The following TIPARP variants were observed in gnomAD, a reference collection of about 807,000 sequenced individuals.
TIPARP encodes protein mono-ADP-ribosyltransferase TIPARP.
A neutral mutation model predicts 56.5 loss-of-function variants in TIPARP; 12 were observed. The observed-to-expected ratio is 0.21, with a 90% CI of 0.14 to 0.34. The LOEUF is 0.34. Ranked by LOEUF, TIPARP falls within the 10% of genes least tolerant of loss-of-function variation. The pLI is 1.00. For missense variants in TIPARP, 604 were observed against 781.6 expected (o/e 0.77, Z 2.71); for synonymous variants, 296 against 265.7 (o/e 1.11, Z -1.11).
In TIPARP at chr3:156,677,374, C is replaced by T. The variant is rs978798117; in HGVS notation, c.-41-283C>T. On this transcript the variant is annotated intron_variant, in intron 1 of 5. Transcript: ENST00000295924. ...TAACCTTATAGTAGAAATTCTTAAC[C>T]TAGCAGAATTGCAAACTCTTATGTA... is the stretch of plus-strand genomic sequence containing the variant. Among the ~76,000 whole-genome samples, 6 of 152,164 alleles carry T rather than the reference C, an allele frequency of 3.9e-5. No individual in the cohort carries two copies. In the South Asian group the frequency reaches 6.2e-4, roughly 16 times the overall value.
chr3:156,681,080 C>A (rs1044119426), intron 2 of TIPARP: 1 of 452,030 alleles, frequency 2.2e-6, no homozygotes, highest in Non-Finnish European at 4.5e-6. Context: ...GTCATTGCAA[C>A]CTGGTTTTCC....
Position 156,695,877 on chromosome 3 carries a change from T to C in TIPARP, c.1099T>C (p.Leu367=), listed in dbSNP as rs771628972. 3 of 1,569,882 alleles carry C rather than the reference T, an allele frequency of 1.9e-6. No individual in the cohort carries two copies. In the South Asian group the frequency reaches 3.5e-5, roughly 18 times the overall value. The change falls in exon 4 of 6, where the codon TTG becomes CTG. Residue 367 remains leucine, a synonymous_variant. Transcript: ENST00000295924. ...TTCTCCTCCATAGTCTGTCATTCGA[T>C]TGATTGAAGAAGCCAACTCTCGGGG... The part of the protein sequence containing the change: ...WREYPESVIR[L]IEEANSRGLK...
At chr3:156,675,389 G>T (rs2108483275) in intron 1 of TIPARP, 1 of 152,442 alleles carries the variant, frequency 6.6e-6, no homozygotes, top group South Asian at 2.1e-4. Context: ...CGCTCCTCGG[G>T]AGGTGAGCTG....
At chr3:156,691,769 T>G (rs978507889) in intron 2 of TIPARP, among the ~76,000 whole-genome samples, 4 of 152,170 alleles carry the variant, frequency 2.6e-5, no homozygotes, top group Non-Finnish European at 4.4e-5. Flanking sequence ...AATTTATGAT[T>G]TTTGTCTCTG....
intron 2 of TIPARP, among the ~76,000 whole-genome samples, chr3:156,683,209 A>G (rs1238675645): frequency 1.3e-5 from 2 of 152,170 alleles, no homozygotes; most frequent in Admixed American, 1.3e-4. Context: ...ATAGCTTGTA[A>G]GGTTATGTGG....
intron 4 of TIPARP, among the ~76,000 whole-genome samples, chr3:156,697,610 C>T (rs778557328): frequency 6.6e-6 from 1 of 152,114 alleles, no homozygotes. Flanking sequence ...TCTGTGGCAG[C>T]ACTAGGTCAA....
At chr3:156,679,477 A>C (rs1722237438) in intron 2 of TIPARP, among the ~76,000 whole-genome samples, 1 of 152,260 alleles carries the variant, frequency 6.6e-6, no homozygotes, top group Admixed American at 6.5e-5. Flanking sequence ...TATAATAAGC[A>C]TTAATGTTTA....
At chr3:156,695,844 G>GTGTT in intron 3 of TIPARP, 21 bp from the exon 4 acceptor site, 1 of 633,066 alleles carries the variant, frequency 1.6e-6, no homozygotes, top group Non-Finnish European at 2.1e-6. Context: ...TTTTTTTTTT[G>GTGTT]TTCTGTTTTC....
chr3:156,695,719 A>C (rs879446055), intron 3 of TIPARP, 146 bp from the exon 4 acceptor site: 15 of 1,130,540 alleles, frequency 1.3e-5, no homozygotes, highest in Non-Finnish European at 1.8e-5. Context: ...AAAAAATCTT[A>C]GCATATAAAG....
rs1433869787 is a variant in TIPARP at position 156,677,935 on chromosome 3, A to G, written c.238A>G (p.Thr80Ala). Residue 80 changes from threonine (T) to alanine (A), a missense_variant, in exon 2 of 6, where the codon ACA becomes GCA. Physicochemically the swap from Thr to Ala is moderately conservative, Grantham distance 58. Transcript: ENST00000295924. ...GGTTTTTAGATCTAGGAACCAGAGTACAGATGAGAACAGCTTACATGAACC... is the reference window on the plus strand; with the variant it reads ...GGTTTTTAGATCTAGGAACCAGAGTGCAGATGAGAACAGCTTACATGAACC... ...DGVFRSRNQS[T>A]DENSLHEPMM... is the part of the protein sequence containing the mutation. 1.9e-6 allele frequency: 3 copies of G among 1,614,204 alleles called. No homozygotes were observed. The highest frequency in any genetic ancestry group is 3.3e-5 in the Admixed American group (2 of 60,036).
At chr3:156,677,393 T>G (rs544993001) in intron 1 of TIPARP, among the ~76,000 whole-genome samples, 3 of 152,314 alleles carry the variant, frequency 2.0e-5, no homozygotes, top group African/African-American at 7.2e-5. Flanking sequence ...TTGCAAACTC[T>G]TATGTATTCA....
At chr3:156,685,435 T>C (rs1344069762) in intron 2 of TIPARP, among the ~76,000 whole-genome samples, 1 of 152,240 alleles carries the variant, frequency 6.6e-6, no homozygotes, top group East Asian at 1.9e-4. Flanking sequence ...CCAGTGACTT[T>C]CGAGTATGTG....
At chr3:156,695,438 C>T (rs1024925869) in intron 3 of TIPARP, among the ~76,000 whole-genome samples, 1 of 151,876 alleles carries the variant, frequency 6.6e-6, no homozygotes, top group African/African-American at 2.4e-5. Flanking sequence ...AGTCTAGTCT[C>T]GAACTCCTGG....
At chr3:156,675,855 G>GA (rs1223387108) in intron 1 of TIPARP, 7 of 152,190 alleles carry the variant, frequency 4.6e-5, no homozygotes, top group African/African-American at 1.4e-4. Context: ...TTTCTGTTAT[G>GA]AAAACTAATT....
Position 156,678,243 on chromosome 3 carries a change from A to G in TIPARP, c.546A>G (p.Ile182Met). 1 of 1,614,150 alleles carries G rather than the reference A, an allele frequency of 6.2e-7. No individual in the cohort carries two copies. Among genetic ancestry groups the G allele is most frequent in the South Asian group, 1.1e-5 (1 of 91,086 alleles). Residue 182 changes from isoleucine to methionine, a missense_variant, in exon 2 of 6, where the codon ATA becomes ATG. This residue lies in a region of TIPARP where 261 missense variants were observed against 279.2 expected (regional missense o/e 0.93). Transcript: ENST00000295924. ...PTSPDCLDKV[I>M]DYVPGIFQEN... ...GTCCTGACTGCTTAGACAAAGTCAT[A>G]GATTATGTTCCAGGCATTTTCCAAG... is the stretch of plus-strand genomic sequence containing the variant.
rs185347349 is a variant in TIPARP at position 156,703,838 on chromosome 3, C to T, written c.1526+136C>T. The T allele has an allele frequency of 6.6e-4, 584 of 888,976 alleles. 2 individuals carry two copies. In the African/African-American group the frequency reaches 7.0e-3, roughly 11 times the overall value. The allele number at this position is 888,976 out of a possible 1,614,324, so 55.1% of individuals were successfully genotyped here. A position where few individuals can be genotyped will look rare whatever the true frequency, so the allele number is the denominator to read the frequency against. On this transcript the variant is annotated intron_variant, in intron 5 of 5. Coordinates refer to ENST00000295924, the MANE Select transcript of TIPARP (RefSeq NM_015508.5). The stretch of plus-strand genomic sequence containing the variant: ...ACCATCCTAGCTAACACGGTGAAAC[C>T]CCGTCTCTACTAAAAATAGAAAAAA...
Position 156,703,695 on chromosome 3 carries a change from T to G in TIPARP, c.1519T>G (p.Tyr507Asp). ...CCAAAACCAGTTTCTTTGGGAGAAA[T>G]ATAAAAGGTGAGTCAGATGTATGAA... ...RVQNQFLWEKYKRKKEYMNRK... is the reference protein window; with the variant it reads ...RVQNQFLWEKDKRKKEYMNRK... Residue 507 changes from tyrosine to aspartate, a missense_variant, in exon 5 of 6, where the codon TAT (tyrosine) becomes GAT (aspartate). Around this residue, in one of 4 missense-constraint regions of TIPARP, gnomAD observed 252 missense variants for 303.9 expected, o/e 0.83. Coordinates refer to ENST00000295924, the MANE Select transcript of TIPARP (RefSeq NM_015508.5). 1 of 1,609,648 alleles carries G rather than the reference T, an allele frequency of 6.2e-7. No individual in the cohort carries two copies. Among genetic ancestry groups the G allele is most frequent in the Non-Finnish European group, 8.5e-7 (1 of 1,179,102 alleles).
At chr3:156,675,480 C>T (rs1722098317) in intron 1 of TIPARP, 1 of 152,452 alleles carries the variant, frequency 6.6e-6, no homozygotes, top group Non-Finnish European at 1.5e-5. Context: ...GTCGTTGGTC[C>T]GAAGGAGGCT....
chr3:156,687,461 A>G (rs1398510753), intron 2 of TIPARP, among the ~76,000 whole-genome samples: 1 of 152,238 alleles, frequency 6.6e-6, no homozygotes, highest in Non-Finnish European at 1.5e-5. Context: ...CAAAAAAGCC[A>G]GCATAACAAT....
Sources: allele counts gnomAD v4.1 joint callset (sites outside exome capture counted in the v4.1 genomes callset), GRCh38; gene constraint gnomAD v4.1.1; regional missense constraint gnomAD v4.1.1; transcripts MANE v1.5; gene names NCBI Gene and HGNC (gene_info 2026-07-23, HGNC 2026-07-21).